The following ARHGAP10 variants were observed in gnomAD, a reference collection of about 807,000 sequenced individuals.
ARHGAP10 encodes Rho GTPase activating protein 10, also known as rho GTPase-activating protein 10.
Under a neutral mutation model 108.6 loss-of-function variants are expected in ARHGAP10, and 87 were observed. The observed-to-expected ratio is 0.80, with a 90% CI of 0.67 to 0.96. The LOEUF (loss-of-function observed/expected upper bound fraction) is 0.96, where lower values mean the gene tolerates loss of function less well. Ranked by LOEUF, ARHGAP10 falls within the 40% of genes least tolerant of loss-of-function variation. The pLI, the probability that ARHGAP10 is intolerant of heterozygous loss-of-function variation, is 0.00. For synonymous variants in ARHGAP10, 347 were observed against 341.1 expected, an observed-to-expected ratio of 1.02 and a Z score of -0.19; for missense variants, 939 against 954.5, an observed-to-expected ratio of 0.98 and a Z score of 0.21.
At chr4:147,768,825 G>A (rs554357014) in intron 1 of ARHGAP10, among the ~76,000 whole-genome samples, 5 of 149,408 alleles carry the variant, frequency 3.3e-5, no homozygotes, top group South Asian at 2.1e-4. Context: ...TGCAGCCTCC[G>A]CCTCCTGGGT....
Position 147,875,126 on chromosome 4 carries a change from G to C in ARHGAP10, c.808G>C (p.Gly270Arg). 1 of 1,595,198 alleles carries C rather than the reference G, an allele frequency of 6.3e-7. No individual in the cohort carries two copies. Among genetic ancestry groups the C allele is most frequent in the East Asian group, 2.3e-5 (1 of 44,212 alleles). The change falls in exon 8 of 23, where the codon GGC becomes CGC. Residue 270 changes from glycine (G) to arginine (R), a missense_variant. Physicochemically the swap from Gly to Arg is moderately radical, Grantham distance 125. Coordinates refer to ENST00000336498, the MANE Select transcript of ARHGAP10 (RefSeq NM_024605.4). ...ACGAGCAAGTCAGTTTACAGCCGAA[G>C]GCTACCTGTATGTCCAGGAAAAAAG... The part of the protein sequence containing the change: ...HKRASQFTAE[G>R]YLYVQEKRPA...
intron 1 of ARHGAP10, among the ~76,000 whole-genome samples, chr4:147,807,415 A>G (rs1384474591): frequency 6.6e-6 from 1 of 152,192 alleles, no homozygotes; most frequent in East Asian, 1.9e-4. Flanking sequence ...AGAAAAAGGA[A>G]CAGAAGAACT....
At chr4:148,060,759 A>G (rs1321559345) in intron 20 of ARHGAP10, among the ~76,000 whole-genome samples, 1 of 152,244 alleles carries the variant, frequency 6.6e-6, no homozygotes, top group African/African-American at 2.4e-5. Flanking sequence ...AGACACACCC[A>G]GGAAATCACA....
intron 3 of ARHGAP10, among the ~76,000 whole-genome samples, chr4:147,835,620 C>T (rs972291802): frequency 6.6e-6 from 1 of 152,120 alleles, no homozygotes; most frequent in Non-Finnish European, 1.5e-5. Context: ...GTGATCTGCC[C>T]GCCTTGGCCT....
At chr4:148,057,963 G>A (rs965064876) in intron 20 of ARHGAP10, among the ~76,000 whole-genome samples, 4 of 152,228 alleles carry the variant, frequency 2.6e-5, no homozygotes, top group African/African-American at 9.6e-5. Flanking sequence ...GGGTTATGGC[G>A]ACTTGCATGT....
rs147356610 is a variant in ARHGAP10 at position 147,810,243 on chromosome 4, C to T, written c.155-12484C>T. On this transcript the variant is annotated intron_variant, in intron 1 of 22. Coordinates refer to ENST00000336498, the MANE Select transcript of ARHGAP10 (RefSeq NM_024605.4). ...GTTCGAAACATAGTTGGCCATCTGG[C>T]AAAAACTGTTATTTAAAACTTGCAT... Among the ~76,000 whole-genome samples the T allele has an allele frequency of 2.6e-5, 4 of 152,290 alleles. No homozygotes were observed. The East Asian group carries it at 7.7e-4, about 29-fold the overall frequency.
chr4:147,945,495 T>A (rs959277422), intron 14 of ARHGAP10, among the ~76,000 whole-genome samples: 14 of 152,208 alleles, frequency 9.2e-5, no homozygotes, highest in Non-Finnish European at 1.6e-4. Context: ...AACAGAGGCT[T>A]CCAATAAATA....
intron 20 of ARHGAP10, among the ~76,000 whole-genome samples, chr4:148,059,305 T>C (rs1365388355): frequency 6.6e-6 from 1 of 152,166 alleles, no homozygotes; most frequent in Non-Finnish European, 1.5e-5. Context: ...CTTCCTCCAT[T>C]TTCGCAAACT....
intron 6 of ARHGAP10, chr4:147,865,185 A>C (rs1046517636): frequency 2.6e-6 from 1 of 388,368 alleles, no homozygotes; most frequent in South Asian, 3.5e-5. Context: ...TCCCATTGCT[A>C]CATGATCTCA....
intron 1 of ARHGAP10, among the ~76,000 whole-genome samples, chr4:147,737,445 G>A (rs1366887373): frequency 6.6e-6 from 1 of 151,542 alleles, no homozygotes; most frequent in African/African-American, 2.4e-5. Context: ...GTCAGCCACT[G>A]CGCCTGGCCT....
In ARHGAP10 at chr4:147,864,911, G is replaced by A. The variant is rs777653155; in HGVS notation, c.552G>A (p.Lys184=). ...FYELSLEYVC[K]LQEIQERKKF... is the part of the protein sequence containing the mutation. ...AACTGTCTCTCGAGTATGTGTGTAA[G>A]CTGCAGGAAATCCAAGAAAGAAAGA... The change falls in exon 6 of 23, where the codon AAG becomes AAA. Residue 184 remains lysine (K), a synonymous_variant. Transcript: ENST00000336498. 5.7e-5 allele frequency: 92 copies of A among 1,614,030 alleles called. No individual in the cohort carries two copies. Among genetic ancestry groups the A allele is most frequent in the Admixed American group, 1.0e-4 (6 of 60,002 alleles).
At chr4:148,017,682 A>ATATATATATATATATATATG (rs1437383455) in intron 18 of ARHGAP10, among the ~76,000 whole-genome samples, 102 of 135,204 alleles carry the variant, frequency 7.5e-4, no homozygotes, top group African/African-American at 1.2e-3. Context: ...ATATATATAT[A>ATATATATATATATATATATG]TGTGTGTGTA....
At chr4:147,958,234 A>G (rs1450179215) in intron 16 of ARHGAP10, among the ~76,000 whole-genome samples, 3 of 152,188 alleles carry the variant, frequency 2.0e-5, no homozygotes, top group Non-Finnish European at 4.4e-5. Context: ...TATCATTTTG[A>G]TAAGAGTGGA....
At chr4:147,765,309 G>T (rs1729752063) in intron 1 of ARHGAP10, among the ~76,000 whole-genome samples, 1 of 142,422 alleles carries the variant, frequency 7.0e-6, no homozygotes, top group Admixed American at 7.4e-5. Flanking sequence ...AACAGGGATG[G>T]GTGTGTGTGC....
Position 148,071,978 on chromosome 4 carries a change from T to A in ARHGAP10, c.2273-15T>A, listed in dbSNP as rs1338618863. 1 of 1,609,344 alleles carries A rather than the reference T, an allele frequency of 6.2e-7. No individual in the cohort carries two copies. Among genetic ancestry groups the A allele is most frequent in the Non-Finnish European group, 8.5e-7 (1 of 1,177,956 alleles). ...GGGGGCATTTTGTAAAAGTGATTTT[T>A]CTCTTCCTTTTCAGTACAAACCTCC... On this transcript the variant is annotated splice_polypyrimidine_tract_variant and intron_variant, in intron 22 of 22. Coordinates refer to ENST00000336498, the MANE Select transcript of ARHGAP10 (RefSeq NM_024605.4).
chr4:147,867,438 A>G (rs1180783754), intron 7 of ARHGAP10, among the ~76,000 whole-genome samples: 1 of 152,104 alleles, frequency 6.6e-6, no homozygotes, highest in Non-Finnish European at 1.5e-5. Context: ...GGGTATGTTG[A>G]GTGTAATTTG....
In ARHGAP10 at chr4:147,784,481, T is replaced by C. The variant is rs1730723560; in HGVS notation, c.155-38246T>C. 1.6e-5 allele frequency among the ~76,000 whole-genome samples: 2 copies of C among 122,444 alleles called. 1 individual carries two copies. The highest frequency in any genetic ancestry group is 5.2e-4 in the South Asian group (2 of 3,858). 80.3% of individuals were successfully genotyped at this position (122,444 alleles called of 152,430 possible). A position where few individuals can be genotyped will look rare whatever the true frequency, so the allele number is the denominator to read the frequency against. ...ATATATTATATAATTTATATTTATA[T>C]ATATATTTAATTTATATATAATATA... is the stretch of plus-strand genomic sequence containing the variant. On this transcript the variant is annotated intron_variant, in intron 1 of 22. Coordinates refer to ENST00000336498, the MANE Select transcript of ARHGAP10 (RefSeq NM_024605.4).
At chr4:147,759,056 A>G (rs1729492576) in intron 1 of ARHGAP10, among the ~76,000 whole-genome samples, 1 of 151,948 alleles carries the variant, frequency 6.6e-6, no homozygotes, top group Non-Finnish European at 1.5e-5. Context: ...TGCAAGGTTC[A>G]TGGAGGCAGA....
intron 1 of ARHGAP10, among the ~76,000 whole-genome samples, chr4:147,769,764 A>G (rs1027659176): frequency 1.4e-4 from 22 of 152,154 alleles, no homozygotes; most frequent in African/African-American, 5.1e-4. Flanking sequence ...CTTTTCAGAT[A>G]AGAAACTATA....
Sources: gnomAD v4.1 joint callset for allele counts (sites outside exome capture counted in the v4.1 genomes callset) on GRCh38, gnomAD v4.1.1 for gene constraint, MANE v1.5 for transcripts, NCBI Gene and HGNC (gene_info 2026-07-23, HGNC 2026-07-21) for gene names.